Variants in PDE6A observed in about 807,000 individuals in gnomAD.
PDE6A encodes the protein phosphodiesterase 6A.
A neutral mutation model predicts 106.3 loss-of-function variants in PDE6A; 84 were observed. The observed-to-expected ratio is 0.79, with a 90% CI of 0.66 to 0.95. The LOEUF is 0.95. Among genes scored for constraint, PDE6A ranks in the 40% least tolerant of loss-of-function variants. PDE6A has a pLI of 0.00. For missense variants in PDE6A, 1,052 were observed against 1,084.9 expected, an observed-to-expected ratio of 0.97 and a Z score of 0.43; for synonymous variants, 394 against 386.6, an observed-to-expected ratio of 1.02 and a Z score of -0.23.
chr5:149,876,598 G>A (rs1207125525), intron 17 of PDE6A, among the ~76,000 whole-genome samples: 1 of 151,996 alleles, frequency 6.6e-6, no homozygotes. Flanking sequence ...CGCCTCCCCG[G>A]TTCAAGCGGT....
rs961450003 is a variant in PDE6A at position 149,876,926 on chromosome 5, G to GATAGATAGATAGATAGATAC, written c.2135+6502_2135+6503insGTATCTATCTATCTATCTAT. Among the ~76,000 whole-genome samples, 219 of 151,964 alleles carry GATAGATAGATAGATAGATAC rather than the reference G, an allele frequency of 1.4e-3. 1 individual carries two copies. The highest frequency in any genetic ancestry group is 5.1e-3 in the African/African-American group (210 of 41,392). Reference sequence around the variant, plus strand: ...GATGATGAGAGATGATAGATAGATAGATAGATACATAGATAGATAGATGAT... The same window carrying GATAGATAGATAGATAGATAC: ...GATGATGAGAGATGATAGATAGATAGATAGATAGATAGATAGATACATAGATACATAGATAGATAGATGAT... On this transcript the variant is annotated intron_variant, in intron 17 of 21. Coordinates refer to ENST00000255266, the MANE Select transcript of PDE6A (RefSeq NM_000440.3).
chr5:149,915,364 A>G (rs537485853), intron 5 of PDE6A, among the ~76,000 whole-genome samples: 36 of 152,326 alleles, frequency 2.4e-4, no homozygotes, highest in Admixed American at 7.8e-4. Flanking sequence ...TGTCCCTGAA[A>G]CCAACTTTGT....
intron 14 of PDE6A, 23 bp from the exon 15 acceptor site, chr5:149,884,890 C>T: frequency 6.4e-6 from 10 of 1,565,972 alleles, no homozygotes; most frequent in Non-Finnish European, 8.8e-6. Context: ...GAGAGAGAAT[C>T]AATATGGAGT....
chr5:149,915,032 CTTTTTTTT>C (rs60750624), intron 5 of PDE6A, 25 bp from the exon 6 acceptor site: 35 of 795,744 alleles, frequency 4.4e-5, no homozygotes, highest in Middle Eastern at 4.0e-4. Flanking sequence ...AAAAATTATA[CTTTTTTTT>C]TTTTTTTTTT....
At chr5:149,925,706 CA>C (rs36003503) in intron 4 of PDE6A, among the ~76,000 whole-genome samples, 15,908 of 101,952 alleles carry the variant, frequency 0.16, 1,044 homozygotes, top group African/African-American at 0.3. Flanking sequence ...GACTCTGTCT[CA>C]AAAAAAAAAA....
chr5:149,928,209 C>CTATATATATA lies in PDE6A; in HGVS notation c.858+2809_858+2818dup, dbSNP rs1213238607. On this transcript the variant is annotated intron_variant, in intron 4 of 21. Coordinates refer to ENST00000255266, the MANE Select transcript of PDE6A (RefSeq NM_000440.3). ...GTACTACAGCTCATAATTGTATGTG[C>CTATATATATA]TATATATATATATATATATATATTT... 6.6e-3 allele frequency among the ~76,000 whole-genome samples: 291 copies of CTATATATATA among 44,300 alleles called. 4 individuals carry two copies. Among genetic ancestry groups the CTATATATATA allele is most frequent in the East Asian group, 0.017 (41 of 2,396 alleles). 29.1% of individuals were successfully genotyped at this position (44,300 alleles called of 152,430 possible).
chr5:149,924,813 C>G (rs780634455), intron 4 of PDE6A, among the ~76,000 whole-genome samples: 1 of 152,188 alleles, frequency 6.6e-6, no homozygotes, highest in Non-Finnish European at 1.5e-5. Context: ...CCTTTTGACC[C>G]ACTTGTTGAT....
intron 17 of PDE6A, among the ~76,000 whole-genome samples, chr5:149,874,961 A>C (rs1760687336): frequency 6.6e-6 from 1 of 152,106 alleles, no homozygotes; most frequent in African/African-American, 2.4e-5. Flanking sequence ...TGAGCAGATG[A>C]GGAAACTGAG....
chr5:149,873,186 T>G (rs1234548600), intron 17 of PDE6A, among the ~76,000 whole-genome samples: 5 of 152,236 alleles, frequency 3.3e-5, no homozygotes, highest in Non-Finnish European at 5.9e-5. Flanking sequence ...TATTTACTTA[T>G]TTACTTTTAT....
At position 149,886,270 on chromosome 5, in the gene PDE6A, C is replaced by T. The variant is rs1193648168; in HGVS notation, c.1833G>A (p.Gln611=). 5.0e-6 allele frequency: 8 copies of T among 1,610,742 alleles called. No homozygotes were observed. The African/African-American group carries it at 6.7e-5, about 13-fold the overall frequency. The change falls in exon 14 of 22, where the codon CAG becomes CAA. Residue 611 remains glutamine, a synonymous_variant. Coordinates refer to ENST00000255266, the MANE Select transcript of PDE6A (RefSeq NM_000440.3). The part of the protein sequence containing the change: ...IDHRGTNNLY[Q]MKSQNPLAKL... Reference sequence around the variant, plus strand: ...GGGGAGGGAGGCTGACTCACTTCATCTGGTAGAGGTTATTGGTGCCTCTGT... The same window carrying T: ...GGGGAGGGAGGCTGACTCACTTCATTTGGTAGAGGTTATTGGTGCCTCTGT...
rs188125939 is a variant in PDE6A at position 149,908,211 on chromosome 5, C to G, written c.999-833G>C. On this transcript the variant is annotated intron_variant, in intron 6 of 21. Coordinates refer to ENST00000255266, the MANE Select transcript of PDE6A (RefSeq NM_000440.3). ...TACAGTGTTCCCTACACTACTGTAG[C>G]ACAATCTATCCATTCAACTGTTGGT... is the stretch of plus-strand genomic sequence containing the variant. Among the ~76,000 whole-genome samples the G allele has an allele frequency of 1.7e-4, 26 of 152,314 alleles. No homozygotes were observed. The East Asian group carries it at 5.0e-3, about 29-fold the overall frequency.
intron 5 of PDE6A, among the ~76,000 whole-genome samples, chr5:149,919,846 T>C (rs1753652546): frequency 6.6e-6 from 1 of 152,210 alleles, no homozygotes; most frequent in Admixed American, 6.5e-5. Flanking sequence ...AACTTTTAAA[T>C]ATTTAAAACA....
chr5:149,885,682 C>T (rs1045183520), intron 14 of PDE6A, among the ~76,000 whole-genome samples: 9 of 152,180 alleles, frequency 5.9e-5, no homozygotes, highest in African/African-American at 1.7e-4. Context: ...GAGTTTAATG[C>T]ATTCATTTTC....
chr5:149,910,457 A>G (rs1022355624), intron 6 of PDE6A, among the ~76,000 whole-genome samples: 1 of 152,198 alleles, frequency 6.6e-6, no homozygotes, highest in Non-Finnish European at 1.5e-5. Context: ...TTTTTACTTT[A>G]TTCAGATCAA....
At chr5:149,915,032 C>CTT (rs60750624) in intron 5 of PDE6A, 25 bp from the exon 6 acceptor site, 14,507 of 788,244 alleles carry the variant, frequency 0.018, 1 homozygote, top group East Asian at 0.043. Flanking sequence ...AAAAATTATA[C>CTT]TTTTTTTTTT....
At chr5:149,888,673 C>G (rs1752414008) in intron 13 of PDE6A, among the ~76,000 whole-genome samples, 1 of 144,892 alleles carries the variant, frequency 6.9e-6, no homozygotes, top group South Asian at 2.3e-4. Flanking sequence ...ACTGGTTACT[C>G]CAAAATGAGA....
intron 5 of PDE6A, among the ~76,000 whole-genome samples, chr5:149,918,771 C>T (rs139821364): frequency 5.4e-4 from 82 of 151,896 alleles, no homozygotes; most frequent in Middle Eastern, 3.4e-3. Context: ...GTCACCATGC[C>T]CGGCTACTTT....
At chr5:149,919,466 C>G (rs1753642987) in intron 5 of PDE6A, among the ~76,000 whole-genome samples, 1 of 152,162 alleles carries the variant, frequency 6.6e-6, no homozygotes, top group South Asian at 2.1e-4. Context: ...TGAGATCATG[C>G]CACTGCACTC....
intron 14 of PDE6A, 71 bp from the exon 15 acceptor site, chr5:149,884,938 G>T: frequency 1.6e-6 from 2 of 1,218,836 alleles, no homozygotes; most frequent in South Asian, 2.4e-5. Context: ...CAAGTCTCCT[G>T]ACTCAGTCTT....
Sources: gnomAD v4.1 joint callset for allele counts (sites outside exome capture counted in the v4.1 genomes callset) on GRCh38, gnomAD v4.1.1 for gene constraint, MANE v1.5 for transcripts, NCBI Gene and HGNC (gene_info 2026-07-23, HGNC 2026-07-21) for gene names.